Variants in KLHL15 observed in about 807,000 individuals in gnomAD.
KLHL15 encodes kelch-like protein 15.
In KLHL15, 1 loss-of-function variant was observed where a neutral mutation model predicts 29.3. That is an observed-to-expected ratio of 0.03 (90% CI 0.01 to 0.16). The LOEUF (loss-of-function observed/expected upper bound fraction) is 0.16, where lower values mean the gene tolerates loss of function less well. Among genes scored for constraint, KLHL15 ranks in the 10% least tolerant of loss-of-function variants. The pLI, the probability that KLHL15 is intolerant of heterozygous loss-of-function variation, is 1.00. For synonymous variants in KLHL15, 212 were observed against 184.5 expected (o/e 1.15, Z -1.21); for missense variants, 215 against 478.5 (o/e 0.45, Z 5.14).
At chrX:24,023,098 T>G (rs1340868294) in intron 2 of KLHL15, among the ~76,000 whole-genome samples, 1 of 111,721 alleles carries the variant, frequency 9.0e-6, no homozygotes. Context: ...AAAATTTAAA[T>G]TAGCATGAAT....
chrX:24,023,397 G>A (rs1347277191), intron 2 of KLHL15, among the ~76,000 whole-genome samples: 1 of 111,643 alleles, frequency 9.0e-6, no homozygotes, highest in African/African-American at 3.3e-5. Flanking sequence ...CTATTATTTT[G>A]CCTTTTTACA....
chrX:24,021,200 A>AAATGGCAATAAT (rs1826382311), intron 2 of KLHL15, among the ~76,000 whole-genome samples: 1 of 111,528 alleles, frequency 9.0e-6, no homozygotes, highest in Non-Finnish European at 1.9e-5. Flanking sequence ...ATGATTCTTA[A>AAATGGCAATAAT]AATGGCAATA....
At chrX:24,015,051 G>A (rs1469596707) in intron 2 of KLHL15, among the ~76,000 whole-genome samples, 2 of 112,038 alleles carry the variant, frequency 1.8e-5, no homozygotes, top group East Asian at 2.8e-4. Flanking sequence ...AGCCCAGTTC[G>A]ATGTCTGCCC....
At chrX:24,018,794 G>T (rs1354707216) in intron 2 of KLHL15, among the ~76,000 whole-genome samples, 1 of 111,254 alleles carries the variant, frequency 9.0e-6, no homozygotes. Flanking sequence ...TTGAGCTCAG[G>T]AGTTCAAAAC....
chrX:24,010,365 G>GC (rs1175980370), intron 2 of KLHL15, among the ~76,000 whole-genome samples: 1 of 111,707 alleles, frequency 9.0e-6, no homozygotes, highest in African/African-American at 3.3e-5. Context: ...CTCCATCCCT[G>GC]CCCTGCTAAA....
At chrX:24,003,679 G>C (rs867934670) in intron 3 of KLHL15, among the ~76,000 whole-genome samples, 1 of 107,770 alleles carries the variant, frequency 9.3e-6, no homozygotes, top group Non-Finnish European at 1.9e-5. Flanking sequence ...GTGTGTGTGT[G>C]CTCGTGTGCA....
intron 3 of KLHL15, among the ~76,000 whole-genome samples, chrX:24,000,485 A>AATAC (rs202138809): frequency 0.1 from 11,392 of 110,633 alleles, 654 homozygotes; most frequent in African/African-American, 0.22. Flanking sequence ...TAAATAAATA[A>AATAC]TAAAAAAAGT....
At chrX:23,989,772 T>G (rs966306313) in intron 3 of KLHL15, among the ~76,000 whole-genome samples, 1 of 111,026 alleles carries the variant, frequency 9.0e-6, no homozygotes, top group African/African-American at 3.3e-5. Flanking sequence ...TCAGTAGATA[T>G]CAGGTCAAAC....
At chrX:23,989,223 C>T (rs1929035613) in intron 3 of KLHL15, among the ~76,000 whole-genome samples, 193 bp from the exon 4 acceptor site, 2 of 107,509 alleles carry the variant, frequency 1.9e-5, no homozygotes, top group Admixed American at 2.0e-4. Context: ...TGGAGTCTCA[C>T]TCTGTTGCCC....
chrX:24,004,956 C>T (rs774610310), intron 3 of KLHL15, among the ~76,000 whole-genome samples: 9 of 110,999 alleles, frequency 8.1e-5, no homozygotes, highest in South Asian at 3.8e-4. Flanking sequence ...TATTCAAAGG[C>T]GCAAATGGGT....
intron 1 of KLHL15, among the ~76,000 whole-genome samples, chrX:24,025,486 C>T (rs917882582): frequency 9.6e-6 from 1 of 104,229 alleles, no homozygotes; most frequent in Admixed American, 9.9e-5. Context: ...AGTGCGCTGT[C>T]GTCTTGACGC....
rs980425880 is a variant in KLHL15, at chrX:24,006,544, G to A, written c.150C>T (p.Ala50=). 11 of 1,208,662 alleles carry A rather than the reference G, an allele frequency of 9.1e-6. No homozygotes were observed. The highest frequency in any genetic ancestry group is 2.2e-5 in the Admixed American group (1 of 45,508). ...TAATTCTGAAGTAATCACTCTGGGTGGCCAAGAGTGCTTTATGGGCCTGGA... is the reference window on the plus strand; with the variant it reads ...TAATTCTGAAGTAATCACTCTGGGTAGCCAAGAGTGCTTTATGGGCCTGGA... ...HQFQAHKALL[A]TQSDYFRIMF... Residue 50 remains alanine, a synonymous_variant, in exon 3 of 4, where the codon GCC becomes GCT. Coordinates refer to ENST00000328046, the MANE Select transcript of KLHL15 (RefSeq NM_030624.3).
At chrX:24,003,645 A>ATGTG (rs908488064) in intron 3 of KLHL15, among the ~76,000 whole-genome samples, 3 of 80,246 alleles carry the variant, frequency 3.7e-5, no homozygotes, top group African/African-American at 5.5e-5. Flanking sequence ...TAGCATAAAT[A>ATGTG]TATGTGTGTG....
At chrX:23,997,583 T>G (rs746181068) in intron 3 of KLHL15, among the ~76,000 whole-genome samples, 47 of 102,623 alleles carry the variant, frequency 4.6e-4, no homozygotes, top group Admixed American at 1.4e-3. Context: ...ATACAAAAAT[T>G]ATCTGGGCGT....
At chrX:24,025,359 A>C (rs1370553389) in intron 1 of KLHL15, among the ~76,000 whole-genome samples, 29 of 77,956 alleles carry the variant, frequency 3.7e-4, no homozygotes, top group Non-Finnish European at 6.0e-4. Flanking sequence ...GGGGCGGGGA[A>C]GGGGCGGGGC....
chrX:24,006,765 A>C (rs930937515), intron 2 of KLHL15, 65 bp from the exon 3 acceptor site: 1 of 894,522 alleles, frequency 1.1e-6, no homozygotes, highest in African/African-American at 2.0e-5. Context: ...ATATTAACTT[A>C]GAGTTTTAAC....
rs144296339 is a variant in KLHL15 at position 23,995,406 on chromosome X, CAA to C, written c.706-6378_706-6377del. On this transcript the variant is annotated intron_variant, in intron 3 of 3. Transcript: ENST00000328046. ...TGGGCAACAGAGCGAGACTCTGTCT[CAA>C]AAAAAAAAAAAAAAAAAAGGCTGGC... Among the ~76,000 whole-genome samples, 19 of 34,755 alleles carry C rather than the reference CAA, an allele frequency of 5.5e-4. No homozygotes were observed. In the East Asian group the frequency reaches 9.1e-3, roughly 17 times the overall value. The allele number at this position is 34,755 out of a possible 115,157, so 30.2% of individuals were successfully genotyped here. A position where few individuals can be genotyped will look rare whatever the true frequency, so the allele number is the denominator to read the frequency against.
chrX:24,004,789 C>CA (rs11288965), intron 3 of KLHL15, among the ~76,000 whole-genome samples: 13,169 of 65,025 alleles, frequency 0.2, 1,160 homozygotes, highest in African/African-American at 0.35. Flanking sequence ...GACTCTGTCT[C>CA]AAAAAAAAAA....
chrX:24,013,878 A>G (rs1261204926), intron 2 of KLHL15, among the ~76,000 whole-genome samples: 1 of 110,534 alleles, frequency 9.0e-6, no homozygotes, highest in Admixed American at 9.7e-5. Context: ...AAACAATTAG[A>G]ATTAAAAACA....
Sources: gnomAD v4.1 joint callset for allele counts (sites outside exome capture counted in the v4.1 genomes callset) on GRCh38, gnomAD v4.1.1 for gene constraint, MANE v1.5 for transcripts, NCBI Gene and HGNC (gene_info 2026-07-23, HGNC 2026-07-21) for gene names.